Variants in PDE1C observed in about 807,000 individuals in gnomAD.
PDE1C encodes dual specificity calcium/calmodulin-dependent 3',5'-cyclic nucleotide phosphodiesterase 1C.
PDE1C carries 62 observed loss-of-function variants against 93.1 expected under a neutral mutation model. That is an observed-to-expected ratio of 0.67 (90% CI 0.54 to 0.82). The LOEUF (loss-of-function observed/expected upper bound fraction) is 0.82, where lower values mean the gene tolerates loss of function less well. Ranked by LOEUF, PDE1C falls within the 40% of genes least tolerant of loss-of-function variation. The pLI is 0.00. For synonymous variants in PDE1C, 325 were observed against 310.1 expected (o/e 1.05, Z -0.50); for missense variants, 742 against 884.6 (o/e 0.84, Z 2.04).
chr7:31,696,262 T>C, the PDE1C span, among the ~76,000 whole-genome samples: 542 of 152,340 alleles, frequency 3.6e-3, 2 homozygotes, highest in African/African-American at 0.012. Context: ...GTCATCTCTG[T>C]TCACAACACA....
chr7:32,003,891 CAAAT>C (rs1218573076), intron 2 of PDE1C, among the ~76,000 whole-genome samples: 1 of 149,890 alleles, frequency 6.7e-6, no homozygotes, highest in Admixed American at 6.6e-5. Flanking sequence ...AGACAAAAAA[CAAAT>C]AAACAACTAA....
At chr7:32,231,926 C>A (rs1372198700) in intron 1 of PDE1C, among the ~76,000 whole-genome samples, 1 of 150,058 alleles carries the variant, frequency 6.7e-6, no homozygotes, top group Non-Finnish European at 1.5e-5. Context: ...TATTCAAGAA[C>A]CAATCGTGAT....
intron 2 of PDE1C, among the ~76,000 whole-genome samples, chr7:31,905,835 G>T (rs1471041824): frequency 6.6e-6 from 1 of 152,100 alleles, no homozygotes; most frequent in African/African-American, 2.4e-5. Flanking sequence ...CATGTGGGTG[G>T]TTACCCCCAT....
chr7:32,345,476 C>T (rs886801346), intron 1 of PDE1C, among the ~76,000 whole-genome samples: 1 of 152,052 alleles, frequency 6.6e-6, no homozygotes. Flanking sequence ...AAAGCATGAA[C>T]CATAAGAGAA....
chr7:32,039,583 G>A (rs181596882), intron 2 of PDE1C, among the ~76,000 whole-genome samples: 4 of 152,276 alleles, frequency 2.6e-5, no homozygotes, highest in Non-Finnish European at 5.9e-5. Context: ...TCAGAACCTC[G>A]CAGCAGGAAG....
At chr7:31,621,620 A>G in the PDE1C span, among the ~76,000 whole-genome samples, 3 of 148,898 alleles carry the variant, frequency 2.0e-5, no homozygotes, top group Non-Finnish European at 4.5e-5. Flanking sequence ...TAAACATGGA[A>G]AGGAACAACT....
At chr7:31,639,010 C>G in the PDE1C span, among the ~76,000 whole-genome samples, 1 of 152,156 alleles carries the variant, frequency 6.6e-6, no homozygotes, top group Non-Finnish European at 1.5e-5. Flanking sequence ...CTCCTGACCT[C>G]AGGTGATCTG....
At chr7:32,271,033 G>C (rs1285643502) in intron 1 of PDE1C, among the ~76,000 whole-genome samples, 1 of 152,156 alleles carries the variant, frequency 6.6e-6, no homozygotes, top group Non-Finnish European at 1.5e-5. Flanking sequence ...AGCTACTCAG[G>C]AGGCTGAGGC....
intron 2 of PDE1C, among the ~76,000 whole-genome samples, chr7:31,999,026 T>C (rs1489061847): frequency 6.6e-6 from 1 of 152,178 alleles, no homozygotes; most frequent in Non-Finnish European, 1.5e-5. Context: ...ACAGAAGAAC[T>C]GATATACTTG....
At chr7:31,831,044 T>C (rs1790318505) in intron 11 of PDE1C, among the ~76,000 whole-genome samples, 1 of 152,182 alleles carries the variant, frequency 6.6e-6, no homozygotes. Context: ...ATGGCACCTG[T>C]CAATGCAAGA....
chr7:31,717,097 A>G, the PDE1C span, among the ~76,000 whole-genome samples: 1 of 152,244 alleles, frequency 6.6e-6, no homozygotes, highest in Admixed American at 6.5e-5. Flanking sequence ...TCTGTATTGT[A>G]AGTTATATGG....
At chr7:31,810,687 C>T (rs1050619672) in intron 15 of PDE1C, among the ~76,000 whole-genome samples, 3 of 152,060 alleles carry the variant, frequency 2.0e-5, no homozygotes, top group African/African-American at 7.2e-5. Flanking sequence ...ACATTTCATA[C>T]CCCACCCTGA....
intron 1 of PDE1C, among the ~76,000 whole-genome samples, chr7:32,415,920 G>A (rs988018339): frequency 2.0e-5 from 3 of 152,216 alleles, no homozygotes; most frequent in Non-Finnish European, 4.4e-5. Context: ...AGCAGGAGCT[G>A]GTTCTTAGGG....
chr7:32,126,038 T>C (rs548402806), intron 3 of PDE1C, among the ~76,000 whole-genome samples: 2 of 152,186 alleles, frequency 1.3e-5, no homozygotes, highest in East Asian at 3.9e-4. Context: ...AATTTGACCA[T>C]GAAGAAGTTT....
intron 2 of PDE1C, among the ~76,000 whole-genome samples, chr7:32,174,824 G>A (rs888316143): frequency 6.6e-6 from 1 of 152,294 alleles, no homozygotes; most frequent in Non-Finnish European, 1.5e-5. Context: ...TGGCAGGCTC[G>A]TAGGAAGAGC....
intron 3 of PDE1C, among the ~76,000 whole-genome samples, chr7:32,164,541 T>C (rs1313909584): frequency 6.6e-6 from 1 of 152,228 alleles, no homozygotes; most frequent in Non-Finnish European, 1.5e-5. Flanking sequence ...TCTCCAGCTC[T>C]GCCACCTGCT....
chr7:31,868,502 C>A (rs913027448), intron 6 of PDE1C, among the ~76,000 whole-genome samples: 1 of 151,772 alleles, frequency 6.6e-6, no homozygotes, highest in Admixed American at 6.6e-5. Flanking sequence ...TGCAGTCTGG[C>A]AAAAATAAAG....
intron 1 of PDE1C, among the ~76,000 whole-genome samples, chr7:32,408,182 A>T (rs1785095177): frequency 6.6e-6 from 1 of 152,180 alleles, no homozygotes; most frequent in Admixed American, 6.5e-5. Flanking sequence ...AGAACAGAGG[A>T]TGTAGTATAC....
chr7:32,427,161 T>C (rs1185258497), intron 1 of PDE1C, among the ~76,000 whole-genome samples: 2 of 152,232 alleles, frequency 1.3e-5, no homozygotes, highest in Non-Finnish European at 1.5e-5. Flanking sequence ...TCATGTGTAA[T>C]ACGGAATATT....
Sources: allele counts gnomAD v4.1 joint callset (sites outside exome capture counted in the v4.1 genomes callset), GRCh38; gene constraint gnomAD v4.1.1; transcripts MANE v1.5; gene names NCBI Gene and HGNC (gene_info 2026-07-23, HGNC 2026-07-21).